The following ADA variants were observed in gnomAD, a reference collection of about 807,000 sequenced individuals.
ADA encodes adenosine deaminase.
Under a neutral mutation model 49.0 loss-of-function variants are expected in ADA, and 45 were observed. That is an observed-to-expected ratio of 0.92 (90% CI 0.72 to 1.18). ADA has a LOEUF of 1.18. ADA is among the 50% of genes most tolerant of loss of function. ADA has a pLI of 0.00. For synonymous variants in ADA, 173 were observed against 184.2 expected (o/e 0.94, Z 0.49); for missense variants, 445 against 472.5 (o/e 0.94, Z 0.54).
intron 2 of ADA, among the ~76,000 whole-genome samples, chr20:44,630,423 A>C (rs772673052): frequency 2.6e-5 from 4 of 152,176 alleles, no homozygotes; most frequent in Non-Finnish European, 4.4e-5. Context: ...CACTCCGAGG[A>C]AACAGCACAG....
Position 44,625,612 on chromosome 20 carries a change from C to G in ADA, c.435G>C (p.Gly145=), listed in dbSNP as rs1268573720. 2.5e-6 allele frequency: 4 copies of G among 1,587,750 alleles called. No individual in the cohort carries two copies. Among genetic ancestry groups the G allele is most frequent in the Non-Finnish European group, 3.4e-6 (4 of 1,167,038 alleles). ...QGLQEGERDF[G]VKARSILCCM... ...AGCACAGGATGGACCGGGCCTTGAC[C>G]CCGAAGTCTCGCTCCCCCTCCTGCA... The change falls in exon 5 of 12, where the codon GGG becomes GGC. Residue 145 remains glycine (G), a synonymous_variant. Coordinates refer to ENST00000372874, the MANE Select transcript of ADA (RefSeq NM_000022.4).
intron 8 of ADA, 61 bp downstream of exon 8, chr20:44,622,768 T>TG (rs2065344291): frequency 6.2e-7 from 1 of 1,613,986 alleles, no homozygotes; most frequent in East Asian, 2.2e-5. Flanking sequence ...GCTTTCTGCC[T>TG]CTCTATACAG....
In ADA at chr20:44,619,616, G is replaced by A. The variant is rs2065308161; in HGVS notation, c.*218C>T. 56 of 583,206 alleles carry A rather than the reference G, an allele frequency of 9.6e-5. No individual in the cohort carries two copies. The South Asian group carries it at 1.1e-3, about 11-fold the overall frequency. 36.1% of individuals were successfully genotyped at this position (583,206 alleles called of 1,614,324 possible). ...GTTTCAGATTCAACCATGCCCATGT[G>A]CAAGGGCGCTGGTCCCTGGCCAGGG... On this transcript the variant is annotated 3_prime_UTR_variant, in exon 12 of 12. Transcript: ENST00000372874.
At chr20:44,631,609 T>C (rs2065433835) in intron 2 of ADA, among the ~76,000 whole-genome samples, 1 of 152,320 alleles carries the variant, frequency 6.6e-6, no homozygotes, top group Admixed American at 6.5e-5. Flanking sequence ...GCGCCAGCCA[T>C]GTGCGATTCT....
chr20:44,622,793 C>G (rs6031679), intron 8 of ADA, 36 bp downstream of exon 8: 1 of 1,614,078 alleles, frequency 6.2e-7, no homozygotes, highest in Non-Finnish European at 8.5e-7. Context: ...TTGGGACAGC[C>G]GGGGATGGTT....
chr20:44,642,829 C>T (rs116181897), intron 1 of ADA, among the ~76,000 whole-genome samples: 2 of 152,168 alleles, frequency 1.3e-5, no homozygotes, highest in South Asian at 2.1e-4. Flanking sequence ...GGGTGCTCAG[C>T]GGGGCAGAAG....
chr20:44,630,905 T>C (rs2065427653), intron 2 of ADA, among the ~76,000 whole-genome samples: 1 of 152,042 alleles, frequency 6.6e-6, no homozygotes, highest in Non-Finnish European at 1.5e-5. Flanking sequence ...TCCCAGCTAC[T>C]TGGGAGGCTA....
rs2065348583 is a variant in ADA at position 44,623,075 on chromosome 20, C to A, written c.610G>T (p.Ala204Ser). The A allele has an allele frequency of 1.2e-6, 2 of 1,613,906 alleles. No homozygotes were observed. The highest frequency in any genetic ancestry group is 3.3e-5 in the Admixed American group (2 of 60,004). Residue 204 changes from alanine to serine, a missense_variant, in exon 7 of 12, where the codon GCT (alanine) becomes TCT (serine). By Grantham distance (99) the Ala-to-Ser change is moderately conservative (BLOSUM62 1). Transcript: ENST00000372874. ...GTACGGTGAATGCCGCTCTTCACAG[C>A]CTCCTGGAAGGGGGAGAGCCAGGTC... Reference protein sequence around the residue: ...LPGHVQAYQEAVKSGIHRTVH... With the variant: ...LPGHVQAYQESVKSGIHRTVH...
At chr20:44,620,125 G>A (rs567277516) in intron 11 of ADA, among the ~76,000 whole-genome samples, 174 bp downstream of exon 11, 1 of 152,312 alleles carries the variant, frequency 6.6e-6, no homozygotes, top group East Asian at 1.9e-4. Flanking sequence ...AACTTTTATA[G>A]AAAACAAACC....
rs1488360252 is a variant in ADA at position 44,625,291 on chromosome 20, A to T, written c.478+278T>A. Among the ~76,000 whole-genome samples the T allele has an allele frequency of 3.3e-5, 5 of 151,610 alleles. No homozygotes were observed. The East Asian group carries it at 7.8e-4, about 24-fold the overall frequency. On this transcript the variant is annotated intron_variant, in intron 5 of 11. Transcript: ENST00000372874. ...ATGGGCTGATCAGAATCTAGCCTAGATTTTTTTTTCAATAGTTACGTTCCT... is the reference window on the plus strand; with the variant it reads ...ATGGGCTGATCAGAATCTAGCCTAGTTTTTTTTTTCAATAGTTACGTTCCT...
intron 4 of ADA, 71 bp downstream of exon 4, chr20:44,626,385 G>T: frequency 6.2e-7 from 1 of 1,606,384 alleles, no homozygotes; most frequent in East Asian, 2.2e-5. Context: ...CCAGCAGTTC[G>T]CCCTTCCAGT....
intron 2 of ADA, among the ~76,000 whole-genome samples, chr20:44,631,902 C>T (rs796285808): frequency 3.7e-4 from 57 of 152,340 alleles, no homozygotes; most frequent in African/African-American, 1.4e-3. Context: ...CACCTTTCCC[C>T]TCCCTCTAGA....
chr20:44,629,292 C>T (rs534943612), intron 2 of ADA, 123 bp from the exon 3 acceptor site: 341 of 1,417,266 alleles, frequency 2.4e-4, no homozygotes, highest in Non-Finnish European at 2.9e-4. Context: ...GAGACATGGG[C>T]GTCTCTCAGT....
At chr20:44,636,374 T>C in intron 1 of ADA, 86 bp from the exon 2 acceptor site, 1 of 1,164,172 alleles carries the variant, frequency 8.6e-7, no homozygotes, top group South Asian at 1.3e-5. Flanking sequence ...CAGAGCTTAA[T>C]GTTAACATTA....
chr20:44,628,677 A>C (rs1326076876), intron 3 of ADA, among the ~76,000 whole-genome samples: 1 of 151,898 alleles, frequency 6.6e-6, no homozygotes, highest in Non-Finnish European at 1.5e-5. Context: ...CTTTTGGAGA[A>C]TCTTCCCCAC....
At chr20:44,647,074 G>C (rs773944078) in intron 1 of ADA, among the ~76,000 whole-genome samples, 6 of 152,060 alleles carry the variant, frequency 3.9e-5, no homozygotes, top group Non-Finnish European at 5.9e-5. Flanking sequence ...TCAAATATGA[G>C]ACAGAAAAGG....
intron 2 of ADA, 29 bp downstream of exon 2, chr20:44,636,198 G>T: frequency 6.3e-7 from 1 of 1,591,898 alleles, no homozygotes. Context: ...CAAATCCCAG[G>T]GAGAGAGGGC....
chr20:44,638,225 T>C (rs1020912967), intron 1 of ADA, among the ~76,000 whole-genome samples: 9 of 152,236 alleles, frequency 5.9e-5, no homozygotes, highest in African/African-American at 2.2e-4. Context: ...GAGGGTTAAC[T>C]GCATTAGTAG....
At chr20:44,638,658 A>G (rs2065502973) in intron 1 of ADA, among the ~76,000 whole-genome samples, 1 of 152,214 alleles carries the variant, frequency 6.6e-6, no homozygotes, top group Non-Finnish European at 1.5e-5. Flanking sequence ...GTTAAACAGG[A>G]GGGTCCAAGT....
Sources: gnomAD v4.1 joint callset for allele counts (sites outside exome capture counted in the v4.1 genomes callset) on GRCh38, gnomAD v4.1.1 for gene constraint, MANE v1.5 for transcripts, NCBI Gene and HGNC (gene_info 2026-07-23, HGNC 2026-07-21) for gene names.